IL16: variants seen among roughly 807,000 people sequenced by gnomAD.
IL16 encodes the protein pro-interleukin-16.
Under a neutral mutation model 110.1 loss-of-function variants are expected in IL16, and 67 were observed. That is an observed-to-expected ratio of 0.61 (90% CI 0.50 to 0.75). The LOEUF is 0.75. Among genes scored for constraint, IL16 ranks in the 30% least tolerant of loss-of-function variants. IL16 has a pLI of 0.00. For synonymous variants in IL16, 689 were observed against 662.9 expected, an observed-to-expected ratio of 1.04 and a Z score of -0.61; for missense variants, 1,545 against 1,655.0, an observed-to-expected ratio of 0.93 and a Z score of 1.15.
chr15:81,273,517 A>G (rs559105881), intron 6 of IL16, among the ~76,000 whole-genome samples: 1 of 152,168 alleles, frequency 6.6e-6, no homozygotes, highest in African/African-American at 2.4e-5. Flanking sequence ...CCTCTCACCC[A>G]TTCTCTCGGC....
intron 6 of IL16, among the ~76,000 whole-genome samples, chr15:81,276,948 A>G (rs1898937283): frequency 6.6e-6 from 1 of 152,184 alleles, no homozygotes; most frequent in Non-Finnish European, 1.5e-5. Context: ...AATCTAAAAG[A>G]GACTATAGAA....
chr15:81,258,331 A>T (rs1439983554), intron 2 of IL16, among the ~76,000 whole-genome samples: 1 of 152,178 alleles, frequency 6.6e-6, no homozygotes, highest in Non-Finnish European at 1.5e-5. Flanking sequence ...GAGTCCAAGT[A>T]TGTTGTTTAA....
chr15:81,282,388 CTCCCTCCT>C (rs1899219479), intron 8 of IL16, among the ~76,000 whole-genome samples: 1 of 152,224 alleles, frequency 6.6e-6, no homozygotes, highest in African/African-American at 2.4e-5. Flanking sequence ...TCTCATCTAG[CTCCCTCCT>C]TCCCTCCTTC....
chr15:81,287,849 T>C (rs558345846), intron 10 of IL16, among the ~76,000 whole-genome samples: 1 of 152,292 alleles, frequency 6.6e-6, no homozygotes, highest in Non-Finnish European at 1.5e-5. Flanking sequence ...CAAGCAAACT[T>C]CTTAATTAAG....
At chr15:81,187,309 C>A (rs1895433486) in intron 1 of IL16, among the ~76,000 whole-genome samples, 1 of 152,204 alleles carries the variant, frequency 6.6e-6, no homozygotes, top group African/African-American at 2.4e-5. Context: ...AAAATGTTAT[C>A]ATCACTGGCT....
intron 1 of IL16, among the ~76,000 whole-genome samples, chr15:81,189,543 C>T (rs1378969073): frequency 6.6e-6 from 1 of 152,134 alleles, no homozygotes; most frequent in East Asian, 1.9e-4. Context: ...CCTCAGCCTC[C>T]CAAAGAGTTA....
intron 8 of IL16, among the ~76,000 whole-genome samples, chr15:81,280,862 G>A (rs1899141755): frequency 6.6e-6 from 1 of 152,188 alleles, no homozygotes; most frequent in South Asian, 2.1e-4. Flanking sequence ...CTCCCGCAGT[G>A]CATTTGCTGA....
At chr15:81,232,386 T>C (rs1171363262) in intron 2 of IL16, among the ~76,000 whole-genome samples, 1 of 152,200 alleles carries the variant, frequency 6.6e-6, no homozygotes, top group Non-Finnish European at 1.5e-5. Context: ...ATAGAAGTGG[T>C]GATAACAGGC....
chr15:81,275,251 A>C (rs540455728), intron 6 of IL16, among the ~76,000 whole-genome samples: 1 of 150,740 alleles, frequency 6.6e-6, no homozygotes, highest in African/African-American at 2.4e-5. Flanking sequence ...CAGCAGGGAA[A>C]TGACATCCGT....
chr15:81,283,547 G>C lies in IL16; in HGVS notation c.1199+791G>C, dbSNP rs143215616. On this transcript the variant is annotated intron_variant, in intron 9 of 18. Transcript: ENST00000683961. ...ATTCTAACAAAATCCCCATGAATGT[G>C]TATGCATGTTACAGCTTAAGAAGCA... 2.5e-3 allele frequency among the ~76,000 whole-genome samples: 380 copies of C among 152,316 alleles called. 2 individuals carry two copies. Among genetic ancestry groups the C allele is most frequent in the African/African-American group, 8.3e-3 (343 of 41,558 alleles).
intron 12 of IL16, among the ~76,000 whole-genome samples, chr15:81,296,667 T>C (rs560671151): frequency 1.6e-4 from 24 of 152,188 alleles, no homozygotes; most frequent in South Asian, 2.1e-4. Context: ...AGAGTCAGGG[T>C]CTTCAAGTAT....
chr15:81,260,542 A>G (rs965254168), intron 3 of IL16, among the ~76,000 whole-genome samples: 12 of 152,234 alleles, frequency 7.9e-5, no homozygotes, highest in Non-Finnish European at 1.3e-4. Flanking sequence ...TATAAAATCT[A>G]CTTAACCAAA....
Position 81,313,455 on chromosome 15 carries a change from G to T in IL16, c.*4657G>T. On this transcript the variant is annotated 3_prime_UTR_variant, in exon 19 of 19. Coordinates refer to ENST00000683961, the MANE Select transcript of IL16 (RefSeq NM_172217.5). ...TATGATCTGCAGCAGAGGTGCTGGG[G>T]ACGAGCGCCAGGCAGGTGAGCAGAG... 6.9e-7 allele frequency: 1 copy of T among 1,446,560 alleles called. No individual in the cohort carries two copies. The highest frequency in any genetic ancestry group is 9.1e-7 in the Non-Finnish European group (1 of 1,093,918). 89.6% of individuals were successfully genotyped at this position (1,446,560 alleles called of 1,614,324 possible).
At chr15:81,271,568 A>T (rs1349225117) in intron 5 of IL16, among the ~76,000 whole-genome samples, 2 of 152,166 alleles carry the variant, frequency 1.3e-5, no homozygotes, top group Non-Finnish European at 2.9e-5. Context: ...GTTAGTGAGG[A>T]GCCGAACCAA....
At chr15:81,206,032 C>T (rs1896004313) in intron 1 of IL16, among the ~76,000 whole-genome samples, 1 of 152,128 alleles carries the variant, frequency 6.6e-6, no homozygotes, top group African/African-American at 2.4e-5. Context: ...GAGATATACT[C>T]CAAATATGGT....
Position 81,214,672 on chromosome 15 carries a change from G to T in IL16, c.-101-10627G>T, listed in dbSNP as rs184572937. Among the ~76,000 whole-genome samples the T allele has an allele frequency of 1.0e-3, 152 of 152,086 alleles. 1 individual carries two copies. Among genetic ancestry groups the T allele is most frequent in the African/African-American group, 3.5e-3 (146 of 41,512 alleles). The stretch of plus-strand genomic sequence containing the variant: ...TCTCATATTTGCATATCAACCTCTA[G>T]CAAAATTAGGGAAATTTTTGGGGAC... On this transcript the variant is annotated intron_variant, in intron 1 of 18. Coordinates refer to ENST00000683961, the MANE Select transcript of IL16 (RefSeq NM_172217.5).
chr15:81,231,242 A>T (rs914953409), intron 2 of IL16, among the ~76,000 whole-genome samples: 7 of 150,242 alleles, frequency 4.7e-5, no homozygotes, highest in African/African-American at 1.7e-4. Flanking sequence ...GAAGGCAAGC[A>T]GGCGGGCAGG....
intron 9 of IL16, 114 bp downstream of exon 9, chr15:81,282,870 G>A (rs1899250229): frequency 7.6e-6 from 7 of 915,216 alleles, no homozygotes; most frequent in Admixed American, 1.7e-5. Flanking sequence ...ATCTTGTGGT[G>A]GAGATCAGCC....
chr15:81,237,624 C>T (rs1205039690), intron 2 of IL16, among the ~76,000 whole-genome samples: 1 of 152,278 alleles, frequency 6.6e-6, no homozygotes, highest in Non-Finnish European at 1.5e-5. Flanking sequence ...TGATGCCTTT[C>T]CATTCTCACT....
Sources: gnomAD v4.1 joint callset for allele counts (sites outside exome capture counted in the v4.1 genomes callset) on GRCh38, gnomAD v4.1.1 for gene constraint, MANE v1.5 for transcripts, NCBI Gene and HGNC (gene_info 2026-07-23, HGNC 2026-07-21) for gene names.